The following MCM9 variants were observed in gnomAD, a reference collection of about 807,000 sequenced individuals.
The protein encoded by MCM9 is DNA helicase MCM9.
In MCM9, 55 loss-of-function variants were observed where a neutral mutation model predicts 72.8. The observed-to-expected ratio is 0.76, with a 90% CI of 0.61 to 0.95. The LOEUF is 0.95. MCM9 is among the 40% of genes least tolerant of loss of function. MCM9 has a pLI of 0.00. For synonymous variants in MCM9, 480 were observed against 503.4 expected (o/e 0.95, Z 0.62); for missense variants, 1,279 against 1,377.0 (o/e 0.93, Z 1.13).
In MCM9 at chr6:118,816,264, T is replaced by C; in HGVS notation, c.1992A>G (p.Gln664=). The stretch of plus-strand genomic sequence containing the variant: ...TAGTCTCTACCTCCAATACCCGTGG[T>C]TGGGATTGGTGCACACTCTGATTCT... The part of the protein sequence containing the change: ...RLQNQSVHQS[Q]PRVLEVETTP... Residue 664 remains glutamine (Q), a synonymous_variant, in exon 14 of 14, where the codon CAA becomes CAG. Transcript: ENST00000619706. The C allele has an allele frequency of 5.8e-6, 9 of 1,548,242 alleles. No individual in the cohort carries two copies. The highest frequency in any genetic ancestry group is 3.6e-5 in the South Asian group (3 of 83,702).
intron 5 of MCM9, 71 bp from the exon 6 acceptor site, chr6:118,917,832 G>A (rs1252367837): frequency 1.0e-5 from 14 of 1,342,778 alleles, no homozygotes; most frequent in Non-Finnish European, 1.5e-5. Flanking sequence ...AATGACAAAG[G>A]ACCAGAAATT....
intron 13 of MCM9, among the ~76,000 whole-genome samples, chr6:118,821,681 G>C (rs770971678): frequency 2.6e-5 from 4 of 152,184 alleles, no homozygotes; most frequent in Non-Finnish European, 5.9e-5. Flanking sequence ...TTGCTAAGTT[G>C]GGGAAGTTCT....
intron 8 of MCM9, among the ~76,000 whole-genome samples, chr6:118,859,789 C>G (rs1415942263): frequency 6.6e-6 from 1 of 152,150 alleles, no homozygotes. Context: ...CTGTTCTTAA[C>G]AATGCCTGTC....
chr6:118,856,305 C>T, intron 9 of MCM9, 66 bp downstream of exon 9: 1 of 1,441,104 alleles, frequency 6.9e-7, no homozygotes. Flanking sequence ...CAACAAGGTT[C>T]ACATTTTCCC....
intron 13 of MCM9, among the ~76,000 whole-genome samples, chr6:118,820,298 T>A (rs1773710782): frequency 1.3e-5 from 2 of 152,228 alleles, no homozygotes; most frequent in Non-Finnish European, 2.9e-5. Flanking sequence ...TTTAGCTGTG[T>A]CCCAGAGATT....
intron 9 of MCM9, among the ~76,000 whole-genome samples, chr6:118,851,237 T>C (rs1255423333): frequency 6.6e-6 from 1 of 151,862 alleles, no homozygotes; most frequent in Non-Finnish European, 1.5e-5. Flanking sequence ...AGTGAGCACA[T>C]GGTGGTCCTG....
intron 13 of MCM9, among the ~76,000 whole-genome samples, chr6:118,823,317 C>T (rs1773942294): frequency 6.6e-6 from 1 of 152,178 alleles, no homozygotes; most frequent in Non-Finnish European, 1.5e-5. Context: ...GTAGCACAGT[C>T]CCTCACTGCT....
chr6:118,910,660 T>A (rs1385048189), intron 8 of MCM9: 1 of 985,234 alleles, frequency 1.0e-6, no homozygotes, highest in Non-Finnish European at 1.2e-6. Flanking sequence ...GAACACTGGG[T>A]CATACGGATT....
At chr6:118,836,446 T>A (rs1219415765) in intron 9 of MCM9, among the ~76,000 whole-genome samples, 2 of 152,224 alleles carry the variant, frequency 1.3e-5, no homozygotes, top group African/African-American at 4.8e-5. Flanking sequence ...GTACCTCTGG[T>A]AGAATCTGGC....
At chr6:118,893,256 T>C (rs186091123) in intron 8 of MCM9, among the ~76,000 whole-genome samples, 3 of 152,376 alleles carry the variant, frequency 2.0e-5, no homozygotes, top group African/African-American at 4.8e-5. Context: ...GAATTTGCTT[T>C]ACTAACGGTT....
intron 8 of MCM9, chr6:118,905,814 C>A (rs779926681): frequency 6.2e-7 from 1 of 1,601,118 alleles, no homozygotes; most frequent in Non-Finnish European, 8.5e-7. Context: ...ACCAGTAAAA[C>A]CAGACTTTTC....
chr6:118,827,339 T>A (rs964543975), intron 11 of MCM9, among the ~76,000 whole-genome samples: 12 of 152,234 alleles, frequency 7.9e-5, no homozygotes, highest in African/African-American at 2.9e-4. Flanking sequence ...TGTTTTACAG[T>A]ATTTTTTATT....
rs555174527 is a variant in MCM9 at position 118,822,418 on chromosome 6, C to T, written c.1961+3729G>A. The stretch of plus-strand genomic sequence containing the variant: ...CAGTTTGCTAGAGGTCCACTCCAGA[C>T]CCTGTTTGCCTGGGGTATCACCAGT... On this transcript the variant is annotated intron_variant, in intron 13 of 13. Coordinates refer to ENST00000619706, the MANE Select transcript of MCM9 (RefSeq NM_017696.3). 5.9e-5 allele frequency among the ~76,000 whole-genome samples: 9 copies of T among 152,284 alleles called. No homozygotes were observed. In the South Asian group the frequency reaches 1.7e-3, roughly 28 times the overall value.
chr6:118,834,832 T>G (rs1413284709), intron 9 of MCM9, among the ~76,000 whole-genome samples: 2 of 152,350 alleles, frequency 1.3e-5, no homozygotes, highest in Admixed American at 6.5e-5. Flanking sequence ...TAGTTTCTTT[T>G]GCTGTGCAGA....
At chr6:118,894,298 G>C (rs1161250044) in intron 8 of MCM9, 13 of 1,489,672 alleles carry the variant, frequency 8.7e-6, no homozygotes, top group Non-Finnish European at 1.2e-5. Flanking sequence ...AGTCGCCGCT[G>C]CACGACGTCT....
chr6:118,914,218 G>A (rs1180623563), intron 6 of MCM9, among the ~76,000 whole-genome samples: 3 of 152,106 alleles, frequency 2.0e-5, no homozygotes, highest in Admixed American at 1.3e-4. Context: ...ATGAGATCTC[G>A]AATTCTTCTG....
intron 9 of MCM9, among the ~76,000 whole-genome samples, chr6:118,832,995 A>T (rs1211637094): frequency 6.6e-6 from 1 of 152,222 alleles, no homozygotes; most frequent in East Asian, 1.9e-4. Context: ...GTAAAGATAG[A>T]AGAACATAAA....
At chr6:118,932,578 G>A in intron 2 of MCM9, 29 bp downstream of exon 2, 1 of 980,524 alleles carries the variant, frequency 1.0e-6, no homozygotes, top group Non-Finnish European at 1.2e-6. Flanking sequence ...ACACTCATGT[G>A]TATTCTGCTA....
intron 9 of MCM9, 127 bp from the exon 10 acceptor site, chr6:118,829,377 G>GA: frequency 3.7e-6 from 3 of 806,648 alleles, no homozygotes; most frequent in Non-Finnish European, 5.7e-6. Context: ...AGAAAATGTA[G>GA]AATGACAGAA....
Sources: allele counts gnomAD v4.1 joint callset (sites outside exome capture counted in the v4.1 genomes callset), GRCh38; gene constraint gnomAD v4.1.1; transcripts MANE v1.5; gene names NCBI Gene and HGNC (gene_info 2026-07-23, HGNC 2026-07-21).